The following RGS7 variants were observed in gnomAD, a reference collection of about 807,000 sequenced individuals.
RGS7 encodes regulator of G-protein signaling 7.
In RGS7, 27 loss-of-function variants were observed where a neutral mutation model predicts 81.1. The ratio of observed to expected loss-of-function variants is 0.33; its 90% CI spans 0.25 to 0.46. The LOEUF (loss-of-function observed/expected upper bound fraction) is 0.46, where lower values mean the gene tolerates loss of function less well. RGS7 is among the 20% of genes least tolerant of loss of function. The pLI is 1.00. For missense variants in RGS7, 396 were observed against 607.4 expected (o/e 0.65, Z 3.66); for synonymous variants, 208 against 207.7 (o/e 1.00, Z -0.01).
At chr1:240,878,500 T>A (rs1303480312) in intron 6 of RGS7, among the ~76,000 whole-genome samples, 2 of 150,658 alleles carry the variant, frequency 1.3e-5, no homozygotes, top group African/African-American at 4.9e-5. Context: ...TTTTTTTTTT[T>A]TTTTTGCTTT....
At chr1:240,810,343 T>A (rs986018563) in intron 14 of RGS7, among the ~76,000 whole-genome samples, 2 of 152,148 alleles carry the variant, frequency 1.3e-5, no homozygotes, top group Admixed American at 6.6e-5. Context: ...ACAAATGATA[T>A]CAGCATGTTT....
At chr1:241,205,773 C>T (rs1558187387) in intron 2 of RGS7, among the ~76,000 whole-genome samples, 1 of 151,930 alleles carries the variant, frequency 6.6e-6, no homozygotes, top group Non-Finnish European at 1.5e-5. Context: ...GATATACTAT[C>T]TTGATTTTTT....
intron 2 of RGS7, among the ~76,000 whole-genome samples, chr1:241,340,517 C>T (rs936091261): frequency 6.6e-6 from 1 of 151,882 alleles, no homozygotes. Flanking sequence ...TTGCCCCATC[C>T]GAAAACTCCA....
At chr1:241,221,030 G>GAA (rs1174517451) in intron 2 of RGS7, among the ~76,000 whole-genome samples, 1 of 99,174 alleles carries the variant, frequency 1.0e-5, no homozygotes, top group African/African-American at 3.5e-5. Context: ...AGGAAGGAAG[G>GAA]AAGGAAGGAA....
intron 3 of RGS7, among the ~76,000 whole-genome samples, chr1:241,042,871 C>G (rs1278842095): frequency 6.7e-6 from 1 of 149,274 alleles, no homozygotes; most frequent in Admixed American, 6.8e-5. Flanking sequence ...ACCTGGGAGG[C>G]GGAGGTTGCA....
chr1:241,196,588 A>T (rs960320524), intron 2 of RGS7, among the ~76,000 whole-genome samples: 10 of 152,088 alleles, frequency 6.6e-5, no homozygotes, highest in Non-Finnish European at 1.3e-4. Flanking sequence ...AAAATATTTA[A>T]AAGATTAAAT....
chr1:241,122,723 T>TA (rs1187921615), intron 2 of RGS7, among the ~76,000 whole-genome samples: 1 of 151,824 alleles, frequency 6.6e-6, no homozygotes, highest in Non-Finnish European at 1.5e-5. Context: ...AGTCTAGTCT[T>TA]ACCTTAACTG....
At chr1:241,026,593 A>G (rs993835501) in intron 3 of RGS7, among the ~76,000 whole-genome samples, 1 of 152,062 alleles carries the variant, frequency 6.6e-6, no homozygotes, top group African/African-American at 2.4e-5. Flanking sequence ...TGTCTCAAAA[A>G]AAAAAAAATT....
chr1:240,863,738 CA>C (rs761117744), intron 9 of RGS7, among the ~76,000 whole-genome samples: 9 of 152,014 alleles, frequency 5.9e-5, no homozygotes, highest in South Asian at 4.2e-4. Flanking sequence ...TTAAAAACAG[CA>C]AAAGGATATG....
chr1:241,240,512 G>C (rs2148134251), intron 2 of RGS7, among the ~76,000 whole-genome samples: 1 of 152,314 alleles, frequency 6.6e-6, no homozygotes, highest in East Asian at 1.9e-4. Flanking sequence ...AAACCTGTTA[G>C]ATTAGATCAA....
rs1351638316 is a variant in RGS7, at chr1:240,868,157, A to AGAAAGAAC, written c.609+429_609+430insGTTCTTTC. On this transcript the variant is annotated intron_variant, in intron 9 of 18. Coordinates refer to ENST00000440928, the MANE Select transcript of RGS7 (RefSeq NM_001364886.1). This position sits in a 1 kb window ranked among gnomAD's most constrained non-coding sequence, Gnocchi z 5.1. ...AAGAAAGAAAGAAAGAAAGAAAGAA[A>AGAAAGAAC]GGACGGAGGGAGGGAAGGACGAAGG... 8.2e-4 allele frequency among the ~76,000 whole-genome samples: 123 copies of AGAAAGAAC among 150,730 alleles called. No homozygotes were observed. Among genetic ancestry groups the AGAAAGAAC allele is most frequent in the Non-Finnish European group, 1.5e-3 (101 of 67,680 alleles).
intron 9 of RGS7, among the ~76,000 whole-genome samples, chr1:240,845,727 T>C (rs1168578175): frequency 6.6e-6 from 1 of 152,252 alleles, no homozygotes; most frequent in Non-Finnish European, 1.5e-5. Context: ...GCAATCAATG[T>C]TATTGTCATC....
chr1:241,316,446 G>A lies in RGS7; in HGVS notation c.78+39253C>T, dbSNP rs76636563. Among the ~76,000 whole-genome samples the A allele has an allele frequency of 5.8e-3, 878 of 152,238 alleles. 5 individuals are homozygous for A. The highest frequency in any genetic ancestry group is 0.019 in the African/African-American group (810 of 41,542). ...GTCCCCACATCCTGAAGCTACATAG[G>A]GTAGCCAGTAATCAGTCAACTCATT... On this transcript the variant is annotated intron_variant, in intron 2 of 18. Transcript: ENST00000440928.
chr1:241,341,103 G>A (rs938270413), intron 2 of RGS7, among the ~76,000 whole-genome samples: 17 of 152,172 alleles, frequency 1.1e-4, no homozygotes, highest in Admixed American at 1.0e-3. Context: ...AGAAGCTCAT[G>A]GAGATATTCC....
In RGS7 at chr1:240,815,977, TTACTCTTTA is replaced by T. The variant is rs573550682; in HGVS notation, c.783+331_783+339del. On this transcript the variant is annotated intron_variant, in intron 11 of 18. Transcript: ENST00000440928. ...ACAATGTTCTCAACCTCTTGTCCTCTTACTCTTTAAAAGAGAGCTTTGGAGTACAAAGTA... is the reference window on the plus strand; with the variant it reads ...ACAATGTTCTCAACCTCTTGTCCTCTAAAGAGAGCTTTGGAGTACAAAGTA... Among the ~76,000 whole-genome samples the T allele has an allele frequency of 2.4e-3, 365 of 152,326 alleles. 1 individual carries two copies. The highest frequency in any genetic ancestry group is 8.5e-3 in the African/African-American group (355 of 41,588).
chr1:240,954,769 A>G (rs72756864), intron 4 of RGS7, among the ~76,000 whole-genome samples: 2 of 152,160 alleles, frequency 1.3e-5, no homozygotes, highest in Non-Finnish European at 2.9e-5. Context: ...CAAAGAAAAA[A>G]TGTTATACAC....
chr1:240,905,675 G>A (rs905535870), intron 6 of RGS7, among the ~76,000 whole-genome samples: 5 of 152,314 alleles, frequency 3.3e-5, no homozygotes, highest in African/African-American at 1.2e-4. Context: ...CTCAGTGGAA[G>A]CGTTGGAGTG....
At chr1:241,129,762 G>C (rs189248253) in intron 2 of RGS7, among the ~76,000 whole-genome samples, 1 of 152,002 alleles carries the variant, frequency 6.6e-6, no homozygotes, top group East Asian at 1.9e-4. Context: ...CCACGAGTCT[G>C]TATTTCCAAA....
chr1:241,356,305 C>T lies in RGS7; in HGVS notation c.-50-479G>A, dbSNP rs184908135. 2.6e-5 allele frequency among the ~76,000 whole-genome samples: 4 copies of T among 152,228 alleles called. No homozygotes were observed. In the East Asian group the frequency reaches 5.8e-4, roughly 22 times the overall value. ...CCACCTGCAGCCCATCAGAGAGGCC[C>T]ATTCCCGGTGTCATTCTCCAGCGCA... On this transcript the variant is annotated intron_variant, in intron 1 of 18. Transcript: ENST00000440928.
Sources: allele counts gnomAD v4.1 joint callset (sites outside exome capture counted in the v4.1 genomes callset), GRCh38; gene constraint gnomAD v4.1.1; non-coding constraint Gnocchi (gnomAD v3.1); transcripts MANE v1.5; gene names NCBI Gene and HGNC (gene_info 2026-07-23, HGNC 2026-07-21).